SRC: variants seen among roughly 807,000 people sequenced by gnomAD.
SRC encodes the protein proto-oncogene tyrosine-protein kinase Src.
In SRC, 13 loss-of-function variants were observed where a neutral mutation model predicts 62.9. The ratio of observed to expected loss-of-function variants is 0.21; its 90% CI spans 0.13 to 0.33. The LOEUF (loss-of-function observed/expected upper bound fraction) is 0.33. Among genes scored for constraint, SRC ranks in the 10% least tolerant of loss-of-function variants. SRC has a pLI of 1.00. For missense variants in SRC, 457 were observed against 737.3 expected, an observed-to-expected ratio of 0.62 and a Z score of 4.40; for synonymous variants, 302 against 317.5, an observed-to-expected ratio of 0.95 and a Z score of 0.52.
At chr20:37,401,233 G>A (rs1568645880) in intron 10 of SRC, among the ~76,000 whole-genome samples, 1 of 151,940 alleles carries the variant, frequency 6.6e-6, no homozygotes, top group Non-Finnish European at 1.5e-5. Context: ...AAACTATTGG[G>A]CTCAAGCGAT....
chr20:37,398,443 G>A lies in SRC; in HGVS notation c.859+589G>A, dbSNP rs1397869761. ...GAGGCCAGGGTGGAGGAGAGACGGC[G>A]GTTGTAACCCCGTAAGCCCATGGTG... On this transcript the variant is annotated intron_variant, in intron 9 of 13. Coordinates refer to ENST00000373578, the MANE Select transcript of SRC (RefSeq NM_198291.3). This position sits in a 1 kb window ranked among gnomAD's most constrained non-coding sequence, Gnocchi z 5.2. Among the ~76,000 whole-genome samples, 4 of 152,222 alleles carry A rather than the reference G, an allele frequency of 2.6e-5. No homozygotes were observed. The highest frequency in any genetic ancestry group is 9.6e-5 in the African/African-American group (4 of 41,462).
At position 37,371,675 on chromosome 20, in the gene SRC, T is replaced by G. The variant is rs772780207; in HGVS notation, c.-173+6398T>G. On this transcript the variant is annotated intron_variant, in intron 2 of 13. Coordinates refer to ENST00000373578, the MANE Select transcript of SRC (RefSeq NM_198291.3). ...TTAAGGTAGAAGTTTAGGTTATTGA[T>G]TTGAAATCTTTCTTATTTTTATTTT... is the stretch of plus-strand genomic sequence containing the variant. Among the ~76,000 whole-genome samples, 4 of 152,286 alleles carry G rather than the reference T, an allele frequency of 2.6e-5. No homozygotes were observed. The South Asian group carries it at 8.3e-4, about 32-fold the overall frequency.
chr20:37,355,281 T>A (rs2069865135), intron 1 of SRC, among the ~76,000 whole-genome samples: 1 of 133,274 alleles, frequency 7.5e-6, no homozygotes, highest in East Asian at 2.6e-4. Context: ...CGGAACCAGA[T>A]GAGACATAGT....
intron 1 of SRC, among the ~76,000 whole-genome samples, chr20:37,349,622 G>T (rs1823225396): frequency 6.6e-6 from 1 of 152,360 alleles, no homozygotes; most frequent in African/African-American, 2.4e-5. Context: ...TTGCGCTGTT[G>T]CATTGGACAG....
At chr20:37,385,110 A>T (rs1000376862) in intron 4 of SRC, among the ~76,000 whole-genome samples, 2 of 152,232 alleles carry the variant, frequency 1.3e-5, no homozygotes, top group Admixed American at 1.3e-4. Context: ...ACTCACATGC[A>T]CAGGTGACCT....
At chr20:37,369,268 C>T (rs1437593587) in intron 2 of SRC, among the ~76,000 whole-genome samples, 1 of 152,134 alleles carries the variant, frequency 6.6e-6, no homozygotes, top group Non-Finnish European at 1.5e-5. Flanking sequence ...GGAGTATTGC[C>T]ATCTTAATAA....
intron 7 of SRC, 54 bp downstream of exon 7, chr20:37,394,331 G>T: frequency 1.3e-6 from 2 of 1,523,074 alleles, no homozygotes. Flanking sequence ...AGTGGTTTGA[G>T]CTGGGTGTTG....
At chr20:37,379,702 C>T (rs2070332050) in intron 2 of SRC, among the ~76,000 whole-genome samples, 3 of 149,878 alleles carry the variant, frequency 2.0e-5, no homozygotes, top group Middle Eastern at 3.4e-3. Flanking sequence ...CCAGCCTGGG[C>T]GACAGAGGAG....
In SRC at chr20:37,403,621, G is replaced by T. The variant is rs201168490; in HGVS notation, c.*242G>T. The T allele has an allele frequency of 5.4e-6, 3 of 552,502 alleles. No homozygotes were observed. Among genetic ancestry groups the T allele is most frequent in the Non-Finnish European group, 9.8e-6 (3 of 307,284 alleles). 34.2% of individuals were successfully genotyped at this position (552,502 alleles called of 1,614,324 possible). A position where few individuals can be genotyped will look rare whatever the true frequency, so the allele number is the denominator to read the frequency against. On this transcript the variant is annotated 3_prime_UTR_variant, in exon 14 of 14. Transcript: ENST00000373578. The surrounding 1 kb of genome is among the most constrained non-coding windows in gnomAD (Gnocchi z 7.1). ...TGTCCAGCTCCCGCTGTGGCCGCAC[G>T]CCTCTCCCTGCACTCCCTCCTGGAG...
chr20:37,379,270 C>T lies in SRC; in HGVS notation c.-172-3349C>T, dbSNP rs1280706972. On this transcript the variant is annotated intron_variant, in intron 2 of 13. Coordinates refer to ENST00000373578, the MANE Select transcript of SRC (RefSeq NM_198291.3). Reference sequence around the variant, plus strand: ...CCATTGTGGGGCCCCCACTGCTTCCCCTTGACCCCCGCAAGGGTCTATCTC... The same window carrying T: ...CCATTGTGGGGCCCCCACTGCTTCCTCTTGACCCCCGCAAGGGTCTATCTC... 3.9e-5 allele frequency among the ~76,000 whole-genome samples: 6 copies of T among 152,138 alleles called. No homozygotes were observed. In the East Asian group the frequency reaches 1.2e-3, roughly 29 times the overall value.
At chr20:37,392,529 G>GCTTTT (rs2070568283) in intron 5 of SRC, among the ~76,000 whole-genome samples, 1 of 152,162 alleles carries the variant, frequency 6.6e-6, no homozygotes, top group Non-Finnish European at 1.5e-5. Flanking sequence ...GTCTTCTCAG[G>GCTTTT]GTCCTGGTGA....
intron 5 of SRC, among the ~76,000 whole-genome samples, chr20:37,388,426 A>G (rs999691332): frequency 6.6e-6 from 1 of 152,258 alleles, no homozygotes; most frequent in East Asian, 1.9e-4. Flanking sequence ...TCATGTCACA[A>G]TGCTCCAATG....
intron 1 of SRC, among the ~76,000 whole-genome samples, chr20:37,357,032 G>A (rs975988929): frequency 1.3e-5 from 2 of 152,234 alleles, no homozygotes; most frequent in African/African-American, 4.8e-5. Context: ...TCGTGGGTCT[G>A]TGTCTAGAGC....
In SRC at chr20:37,363,248, C is replaced by T. The variant is rs565328120; in HGVS notation, c.-246-1956C>T. The stretch of plus-strand genomic sequence containing the variant: ...CCCTGCTCTCAGTTTTGCAGGCCTT[C>T]GTGACTTGCATTGAACATATCCCTC... On this transcript the variant is annotated intron_variant, in intron 1 of 13. Coordinates refer to ENST00000373578, the MANE Select transcript of SRC (RefSeq NM_198291.3). Among the ~76,000 whole-genome samples the T allele has an allele frequency of 7.2e-5, 11 of 152,308 alleles. No individual in the cohort carries two copies. The South Asian group carries it at 1.0e-3, about 14-fold the overall frequency.
In SRC at chr20:37,394,292, G is replaced by C. The variant is rs1340051957; in HGVS notation, c.553+15G>C. On this transcript the variant is annotated intron_variant, in intron 7 of 13. Transcript: ENST00000373578. The stretch of plus-strand genomic sequence containing the variant: ...GACCACGAAAGGTACGAGCGCTCTT[G>C]CTGGCCAACGGATACTGAGTCTTCT... 1 of 1,607,430 alleles carries C rather than the reference G, an allele frequency of 6.2e-7. No individual in the cohort carries two copies. The highest frequency in any genetic ancestry group is 8.5e-7 in the Non-Finnish European group (1 of 1,174,368).
At chr20:37,372,169 C>CGT (rs146413088) in intron 2 of SRC, among the ~76,000 whole-genome samples, 8,181 of 143,604 alleles carry the variant, frequency 0.057, 291 homozygotes, top group Non-Finnish European at 0.062. Flanking sequence ...GACGATTTTT[C>CGT]GTGTGTGTGT....
At chr20:37,374,745 T>G (rs920989099) in intron 2 of SRC, among the ~76,000 whole-genome samples, 3 of 151,684 alleles carry the variant, frequency 2.0e-5, no homozygotes, top group Non-Finnish European at 4.4e-5. Flanking sequence ...TGGCTTATTT[T>G]TGTACTTTTA....
intron 5 of SRC, 135 bp downstream of exon 5, chr20:37,386,309 A>AGCCCAG: frequency 2.3e-6 from 2 of 887,420 alleles, no homozygotes; most frequent in African/African-American, 1.7e-5. Flanking sequence ...GGCAGTGTGG[A>AGCCCAG]GGCAGGCGCC....
chr20:37,382,216 C>T (rs1254840691), intron 2 of SRC, among the ~76,000 whole-genome samples: 4 of 132,954 alleles, frequency 3.0e-5, no homozygotes, highest in South Asian at 2.1e-4. Context: ...ATATCAATAA[C>T]GGCTGAGGTG....
Sources: gnomAD v4.1 joint callset for allele counts (sites outside exome capture counted in the v4.1 genomes callset) on GRCh38, gnomAD v4.1.1 for gene constraint, Gnocchi (gnomAD v3.1) non-coding constraint, MANE v1.5 for transcripts, NCBI Gene and HGNC (gene_info 2026-07-23, HGNC 2026-07-21) for gene names.